Variants in LSAMP observed in about 807,000 individuals in gnomAD.
LSAMP encodes the protein limbic system-associated membrane protein.
A neutral mutation model predicts 38.6 loss-of-function variants in LSAMP; 7 were observed. The ratio of observed to expected loss-of-function variants is 0.18; its 90% CI spans 0.10 to 0.34. The LOEUF is 0.34. Among genes scored for constraint, LSAMP ranks in the 10% least tolerant of loss-of-function variants. The probability of loss-of-function intolerance (pLI) is 1.00; values close to 1 mark genes in which losing one functional copy is unlikely to be tolerated. For synonymous variants in LSAMP, 154 were observed against 166.8 expected (o/e 0.92, Z 0.59); for missense variants, 313 against 420.0 (o/e 0.75, Z 2.23).
chr3:116,137,708 C>A (rs909255064), intron 1 of LSAMP, among the ~76,000 whole-genome samples: 16 of 152,048 alleles, frequency 1.1e-4, no homozygotes, highest in Admixed American at 9.8e-4. Context: ...ACAGAAAAAT[C>A]TTGAATACTT....
intron 1 of LSAMP, among the ~76,000 whole-genome samples, chr3:116,323,541 G>A (rs2107732739): frequency 6.6e-6 from 1 of 152,156 alleles, no homozygotes; most frequent in East Asian, 1.9e-4. Context: ...CTATCCCTCA[G>A]ATGGTTTGAT....
At chr3:116,133,265 G>A (rs1351451827) in intron 1 of LSAMP, among the ~76,000 whole-genome samples, 1 of 150,744 alleles carries the variant, frequency 6.6e-6, no homozygotes, top group African/African-American at 2.4e-5. Context: ...TTTTTTTGTT[G>A]TTGTTGTTTT....
intron 1 of LSAMP, among the ~76,000 whole-genome samples, chr3:116,296,159 G>GTCTT (rs1332835408): frequency 2.6e-5 from 4 of 152,136 alleles, no homozygotes; most frequent in African/African-American, 4.8e-5. Flanking sequence ...TTCCGTCCCA[G>GTCTT]TCTTTGAAAC....
intron 1 of LSAMP, among the ~76,000 whole-genome samples, chr3:116,163,330 G>A (rs1709947123): frequency 6.7e-6 from 1 of 149,804 alleles, no homozygotes; most frequent in Non-Finnish European, 1.5e-5. Context: ...GTGGTGTTTG[G>A]TTTTTTGTTC....
intron 2 of LSAMP, among the ~76,000 whole-genome samples, chr3:116,027,556 T>C (rs757545818): frequency 2.0e-5 from 3 of 152,136 alleles, no homozygotes; most frequent in Non-Finnish European, 4.4e-5. Context: ...TTAGCCATAA[T>C]AAGGGGAAAA....
chr3:115,821,758 G>C (rs566603172), intron 6 of LSAMP, among the ~76,000 whole-genome samples: 86 of 152,300 alleles, frequency 5.6e-4, no homozygotes, highest in South Asian at 1.0e-3. Context: ...ATTGCAGAAA[G>C]GGGCAGGGTT....
At chr3:115,928,092 G>A (rs1249637363) in intron 3 of LSAMP, among the ~76,000 whole-genome samples, 1 of 152,132 alleles carries the variant, frequency 6.6e-6, no homozygotes, top group Non-Finnish European at 1.5e-5. Flanking sequence ...TATAGTATAT[G>A]CTCAACAAAA....
chr3:116,357,705 G>A (rs1255712232), intron 1 of LSAMP, among the ~76,000 whole-genome samples: 2 of 152,044 alleles, frequency 1.3e-5, no homozygotes, highest in African/African-American at 4.8e-5. Context: ...ATGCTGCATA[G>A]GTTTTAGGTA....
chr3:116,298,887 G>A (rs1406189309), intron 1 of LSAMP, among the ~76,000 whole-genome samples: 1 of 152,170 alleles, frequency 6.6e-6, no homozygotes, highest in Non-Finnish European at 1.5e-5. Context: ...TATCTTTGTA[G>A]AGGTTTTCAA....
intron 3 of LSAMP, among the ~76,000 whole-genome samples, chr3:115,876,599 A>G (rs1936186078): frequency 6.6e-6 from 1 of 152,072 alleles, no homozygotes; most frequent in African/African-American, 2.4e-5. Context: ...CTGCCATCAC[A>G]ACCATGTGCA....
At chr3:116,220,545 A>C (rs2046271099) in intron 1 of LSAMP, among the ~76,000 whole-genome samples, 1 of 152,194 alleles carries the variant, frequency 6.6e-6, no homozygotes, top group East Asian at 1.9e-4. Flanking sequence ...ACTTAGGGAC[A>C]TTTTGAGTTG....
At chr3:116,232,699 C>CTTT (rs1219296323) in intron 1 of LSAMP, among the ~76,000 whole-genome samples, 12,684 of 99,182 alleles carry the variant, frequency 0.13, 1,089 homozygotes, top group East Asian at 0.18. Context: ...TTCTTTCTTT[C>CTTT]TTTTTTTTTT....
chr3:115,913,887 G>A (rs964196712), intron 3 of LSAMP, among the ~76,000 whole-genome samples: 23 of 152,076 alleles, frequency 1.5e-4, no homozygotes, highest in Admixed American at 1.5e-3. Context: ...AATGAACCAT[G>A]TATTAAACGA....
chr3:115,866,229 T>C (rs894064490), intron 3 of LSAMP, among the ~76,000 whole-genome samples: 3 of 151,926 alleles, frequency 2.0e-5, no homozygotes, highest in Admixed American at 6.6e-5. Flanking sequence ...TGATCCTCAT[T>C]TGCCTACCAG....
chr3:116,017,976 C>T (rs1421926777), intron 3 of LSAMP, among the ~76,000 whole-genome samples: 2 of 152,028 alleles, frequency 1.3e-5, no homozygotes, highest in Non-Finnish European at 2.9e-5. Context: ...TAATGCCATC[C>T]AAGTAGAACG....
At chr3:116,188,323 A>T (rs1273452652) in intron 1 of LSAMP, among the ~76,000 whole-genome samples, 3 of 152,136 alleles carry the variant, frequency 2.0e-5, no homozygotes, top group Non-Finnish European at 4.4e-5. Context: ...TAACTTTGAG[A>T]TCATATGCAG....
intron 1 of LSAMP, among the ~76,000 whole-genome samples, chr3:116,243,291 G>A (rs1259448113): frequency 6.6e-6 from 1 of 152,134 alleles, no homozygotes; most frequent in South Asian, 2.1e-4. Context: ...GACTTCCACT[G>A]GGTGAGCCCA....
In LSAMP at chr3:116,439,605, G is replaced by A. The variant is rs555594920; in HGVS notation, c.155+5272C>T. ...ATAACTGGCTGTATGTGGTTGAAAA[G>A]CCGTTGATTGTTTACATTTGTGTAG... On this transcript the variant is annotated intron_variant, in intron 1 of 6. Transcript: ENST00000490035. 2.0e-5 allele frequency among the ~76,000 whole-genome samples: 3 copies of A among 152,340 alleles called. No homozygotes were observed. The East Asian group carries it at 5.8e-4, about 29-fold the overall frequency.
chr3:116,347,200 A>G (rs1465336686), intron 1 of LSAMP, among the ~76,000 whole-genome samples: 3 of 152,200 alleles, frequency 2.0e-5, no homozygotes, highest in East Asian at 3.8e-4. Context: ...AATAATAACA[A>G]TCCTTCCTTC....
Sources: allele counts gnomAD v4.1 joint callset (sites outside exome capture counted in the v4.1 genomes callset), GRCh38; gene constraint gnomAD v4.1.1; transcripts MANE v1.5; gene names NCBI Gene and HGNC (gene_info 2026-07-23, HGNC 2026-07-21).